Variants in ABCB10 observed in about 807,000 individuals in gnomAD.
ABCB10 encodes the protein ATP-binding cassette sub-family B member 10, mitochondrial.
In ABCB10, 54 loss-of-function variants were observed where a neutral mutation model predicts 65.4. The observed-to-expected ratio is 0.83, with a 90% confidence interval of 0.66 to 1.04. The LOEUF is 1.04. Ranked by LOEUF, ABCB10 falls within the 50% of genes least tolerant of loss-of-function variation. ABCB10 has a pLI of 0.00. For missense variants in ABCB10, 846 were observed against 976.6 expected (o/e 0.87, Z 1.78); for synonymous variants, 418 against 406.5 (o/e 1.03, Z -0.34).
intron 1 of ABCB10, among the ~76,000 whole-genome samples, chr1:229,553,053 G>A (rs1663156893): frequency 6.6e-6 from 1 of 152,118 alleles, no homozygotes; most frequent in Non-Finnish European, 1.5e-5. Flanking sequence ...CTAGATTATA[G>A]AACAGAAGGA....
At chr1:229,549,874 C>CT (rs1663064597) in intron 1 of ABCB10, 1 of 186,080 alleles carries the variant, frequency 5.4e-6, no homozygotes, top group African/African-American at 2.4e-5. Context: ...AGTTAAAGCC[C>CT]TTGATTACAT....
At chr1:229,557,628 A>C (rs1663289174) in intron 1 of ABCB10, among the ~76,000 whole-genome samples, 1 of 152,224 alleles carries the variant, frequency 6.6e-6, no homozygotes, top group South Asian at 2.1e-4. Context: ...ACAGTGCTGT[A>C]ACTTCCTGCA....
chr1:229,551,482 C>T (rs981305050), intron 1 of ABCB10, among the ~76,000 whole-genome samples: 3 of 152,180 alleles, frequency 2.0e-5, no homozygotes, highest in African/African-American at 7.2e-5. Context: ...GTTGGATGAA[C>T]AAACAAATAA....
intron 6 of ABCB10, among the ~76,000 whole-genome samples, chr1:229,536,198 G>C (rs551560141): frequency 6.6e-6 from 1 of 151,770 alleles, no homozygotes; most frequent in East Asian, 1.9e-4. Flanking sequence ...AGGGAAAAAA[G>C]AAAGAAGAAA....
At chr1:229,539,379 G>C in intron 6 of ABCB10, 77 bp downstream of exon 6, 8 of 1,557,528 alleles carry the variant, frequency 5.1e-6, no homozygotes, top group Non-Finnish European at 7.0e-6. Context: ...GAAGTAATGT[G>C]AAAGTTCAGT....
chr1:229,544,841 A>G (rs1412878802), intron 3 of ABCB10, among the ~76,000 whole-genome samples: 1 of 152,220 alleles, frequency 6.6e-6, no homozygotes, highest in Non-Finnish European at 1.5e-5. Context: ...CTATGTGAGC[A>G]CATGGCAAGA....
Position 229,522,719 on chromosome 1 carries a change from A to C in ABCB10, c.1907-1084T>G, listed in dbSNP as rs76283571. The stretch of plus-strand genomic sequence containing the variant: ...CTACACATATTTCCTCCCTAGCAGA[A>C]TATCCAATGTAGCAAGGAAACCAGA... On this transcript the variant is annotated intron_variant, in intron 10 of 12. Coordinates refer to ENST00000344517, the MANE Select transcript of ABCB10 (RefSeq NM_012089.3). 9.0e-3 allele frequency among the ~76,000 whole-genome samples: 1,375 copies of C among 152,364 alleles called. 19 individuals are homozygous for C. The highest frequency in any genetic ancestry group is 0.031 in the African/African-American group (1,299 of 41,588).
chr1:229,558,008 G>T, intron 1 of ABCB10, 128 bp downstream of exon 1: 1 of 1,026,884 alleles, frequency 9.7e-7, no homozygotes, highest in Non-Finnish European at 1.2e-6. Flanking sequence ...TCCGGGGTTA[G>T]GAGTGGCCCA....
intron 2 of ABCB10, 53 bp downstream of exon 2, chr1:229,549,181 G>A: frequency 6.3e-7 from 1 of 1,595,376 alleles, no homozygotes; most frequent in Non-Finnish European, 8.6e-7. Context: ...AAACCCACAG[G>A]ACTCTACATC....
intron 1 of ABCB10, among the ~76,000 whole-genome samples, chr1:229,553,597 G>C (rs1168737869): frequency 1.6e-4 from 25 of 151,872 alleles, no homozygotes; most frequent in Non-Finnish European, 4.4e-5. Context: ...TTGGATGTGA[G>C]CATTTTTCCT....
intron 6 of ABCB10, among the ~76,000 whole-genome samples, chr1:229,538,166 T>C: frequency 6.6e-6 from 1 of 152,212 alleles, no homozygotes; most frequent in African/African-American, 2.4e-5. Context: ...ATTAGAACTG[T>C]GTTTTCCAAC....
chr1:229,551,228 G>A (rs1303894505), intron 1 of ABCB10, among the ~76,000 whole-genome samples: 2 of 152,066 alleles, frequency 1.3e-5, no homozygotes, highest in Admixed American at 1.3e-4. Flanking sequence ...CCTCCTTAAG[G>A]TCTTTATAAA....
intron 10 of ABCB10, among the ~76,000 whole-genome samples, chr1:229,522,502 G>A (rs1662338538): frequency 6.6e-6 from 1 of 152,238 alleles, no homozygotes; most frequent in African/African-American, 2.4e-5. Context: ...GTGAGCCACT[G>A]TGCCTGACTA....
intron 1 of ABCB10, among the ~76,000 whole-genome samples, chr1:229,550,645 G>C: frequency 6.6e-6 from 1 of 151,284 alleles, no homozygotes. Context: ...TTCAGCTCAG[G>C]AGTTCAAGAC....
In ABCB10 at chr1:229,558,347, G is replaced by T; in HGVS notation, c.306C>A (p.Cys102Ter). ...GAGCGCCTGGCCCGGCAAAAGCCCCGCACCTGCAGCTGCCGGGGCCGCGAG... is the reference window on the plus strand; with the variant it reads ...GAGCGCCTGGCCCGGCAAAAGCCCCTCACCTGCAGCTGCCGGGGCCGCGAG... Reference protein sequence around the residue: ...LWARGPGSCRCGAFAGPGAPR... With the variant: ...LWARGPGSCR Residue 102 changes from cysteine to a stop codon, truncating the protein, a stop_gained, in exon 1 of 13, where the codon TGC (cysteine) becomes TGA (stop). Coordinates refer to ENST00000344517, the MANE Select transcript of ABCB10 (RefSeq NM_012089.3). LOFTEE classifies it high-confidence loss of function. The T allele has an allele frequency of 8.0e-7, 1 of 1,256,942 alleles. No individual in the cohort carries two copies. Among genetic ancestry groups the T allele is most frequent in the South Asian group, 2.0e-5 (1 of 50,694 alleles). 77.9% of individuals were successfully genotyped at this position (1,256,942 alleles called of 1,614,324 possible).
intron 3 of ABCB10, 135 bp from the exon 4 acceptor site, chr1:229,542,506 G>A: frequency 2.8e-6 from 3 of 1,087,240 alleles, no homozygotes; most frequent in African/African-American, 1.6e-5. Flanking sequence ...AGGCTTGAAG[G>A]TACTGTCCCC....
intron 8 of ABCB10, among the ~76,000 whole-genome samples, chr1:229,529,326 A>AAAAG (rs1205463641): frequency 7.2e-6 from 1 of 138,646 alleles, no homozygotes; most frequent in Non-Finnish European, 1.6e-5. Context: ...AAAAAAAAAA[A>AAAAG]AAAGAAAATC....
chr1:229,555,499 G>A lies in ABCB10; in HGVS notation c.517+2637C>T, dbSNP rs114541860. Among the ~76,000 whole-genome samples, 922 of 152,348 alleles carry A rather than the reference G, an allele frequency of 6.1e-3. 7 individuals are homozygous for A. The highest frequency in any genetic ancestry group is 0.021 in the African/African-American group (879 of 41,578). On this transcript the variant is annotated intron_variant, in intron 1 of 12. Transcript: ENST00000344517. ...TATGCTAAAGCTGCTTTCAGCACAC[G>A]TCTGTACATATTTCATGGTAGACTG...
At chr1:229,535,845 T>C (rs910833695) in intron 6 of ABCB10, among the ~76,000 whole-genome samples, 1 of 151,818 alleles carries the variant, frequency 6.6e-6, no homozygotes, top group Non-Finnish European at 1.5e-5. Flanking sequence ...CCTGTCTCAG[T>C]CTCCCGAGTA....
Sources: allele counts gnomAD v4.1 joint callset (sites outside exome capture counted in the v4.1 genomes callset), GRCh38; gene constraint gnomAD v4.1.1; transcripts MANE v1.5; gene names NCBI Gene and HGNC (gene_info 2026-07-23, HGNC 2026-07-21).